Variants in TFAP2D observed in about 807,000 individuals in gnomAD.
TFAP2D encodes transcription factor AP-2 delta.
A neutral mutation model predicts 43.6 loss-of-function variants in TFAP2D; 9 were observed. The observed-to-expected ratio is 0.21, with a 90% confidence interval of 0.12 to 0.36. The LOEUF (loss-of-function observed/expected upper bound fraction) is 0.36. Ranked by LOEUF, TFAP2D falls within the 10% of genes least tolerant of loss-of-function variation. The pLI is 1.00. For missense variants in TFAP2D, 513 were observed against 561.4 expected (o/e 0.91, Z 0.87); for synonymous variants, 256 against 224.9 (o/e 1.14, Z -1.24).
At chr6:50,735,547 A>G (rs1318569137) in intron 5 of TFAP2D, among the ~76,000 whole-genome samples, 2 of 152,178 alleles carry the variant, frequency 1.3e-5, no homozygotes, top group African/African-American at 2.4e-5. Flanking sequence ...GGGACATTAA[A>G]TCTTGGTTTA....
intron 5 of TFAP2D, among the ~76,000 whole-genome samples, chr6:50,740,818 C>T (rs1769033424): frequency 6.6e-6 from 1 of 152,132 alleles, no homozygotes; most frequent in African/African-American, 2.4e-5. Flanking sequence ...TGCATTTAAA[C>T]CTGCTTCTTA....
chr6:50,714,113 T>C lies in TFAP2D; in HGVS notation c.39+19T>C. 6.3e-7 allele frequency: 1 copy of C among 1,588,070 alleles called. No individual in the cohort carries two copies. The highest frequency in any genetic ancestry group is 8.5e-7 in the Non-Finnish European group (1 of 1,173,418). The stretch of plus-strand genomic sequence containing the variant: ...TGCCGAGGTATTATTACTTTTTTTT[T>C]TTTTTTTTTTTGAGCGCGCGTGTGT... On this transcript the variant is annotated intron_variant, in intron 1 of 7. Transcript: ENST00000008391.
At chr6:50,741,777 A>T (rs1241719477) in intron 5 of TFAP2D, among the ~76,000 whole-genome samples, 2 of 151,962 alleles carry the variant, frequency 1.3e-5, no homozygotes, top group Non-Finnish European at 2.9e-5. Flanking sequence ...GAAAAAAAAA[A>T]AAAAGAACAA....
At chr6:50,762,896 AT>A (rs1286662129) in intron 7 of TFAP2D, among the ~76,000 whole-genome samples, 1 of 152,012 alleles carries the variant, frequency 6.6e-6, no homozygotes, top group East Asian at 1.9e-4. Flanking sequence ...ATGAATGAGA[AT>A]ATAGTCCAAG....
At chr6:50,726,482 A>G (rs1233293071) in intron 3 of TFAP2D, among the ~76,000 whole-genome samples, 1 of 152,198 alleles carries the variant, frequency 6.6e-6, no homozygotes, top group Non-Finnish European at 1.5e-5. Context: ...GCTAGTATGC[A>G]AGAGAGGAAA....
At chr6:50,759,166 G>A (rs558616470) in intron 7 of TFAP2D, among the ~76,000 whole-genome samples, 83 of 152,142 alleles carry the variant, frequency 5.5e-4, no homozygotes, top group Non-Finnish European at 9.4e-4. Flanking sequence ...TTGTGGAAGA[G>A]TTTGGTTAAT....
intron 3 of TFAP2D, 42 bp from the exon 4 acceptor site, chr6:50,728,814 T>C: frequency 1.2e-6 from 2 of 1,600,432 alleles, no homozygotes; most frequent in Non-Finnish European, 1.7e-6. Flanking sequence ...AGTTAGCTTC[T>C]TTCACTGTCA....
chr6:50,742,611 TA>T (rs1430493043), intron 5 of TFAP2D, among the ~76,000 whole-genome samples: 3 of 151,364 alleles, frequency 2.0e-5, no homozygotes, highest in Non-Finnish European at 4.4e-5. Flanking sequence ...GATAGATAGA[TA>T]GATAGATAGA....
rs368865235 is a variant in TFAP2D, at chr6:50,754,610, T to A, written c.1139+3286T>A. On this transcript the variant is annotated intron_variant, in intron 7 of 7. Coordinates refer to ENST00000008391, the MANE Select transcript of TFAP2D (RefSeq NM_172238.4). ...ATTTTCCATAGCAGCTATACCATTT[T>A]ACATTTTCACAATAATGTACGGGGT... Among the ~76,000 whole-genome samples the A allele has an allele frequency of 1.2e-4, 18 of 152,090 alleles. No individual in the cohort carries two copies. The South Asian group carries it at 3.7e-3, about 32-fold the overall frequency.
Position 50,714,022 on chromosome 6 carries a change from G to A in TFAP2D, c.-34G>A. ...TTTCCCGATTCTTTTTTTGGAGGGG[G>A]AAATTGCATCGTAAGCTTTCGGAGA... On this transcript the variant is annotated 5_prime_UTR_variant, in exon 1 of 8. Transcript: ENST00000008391. The A allele has an allele frequency of 6.2e-7, 1 of 1,611,846 alleles. No homozygotes were observed. The highest frequency in any genetic ancestry group is 8.5e-7 in the Non-Finnish European group (1 of 1,179,488).
chr6:50,727,567 G>C (rs1440273174), intron 3 of TFAP2D, among the ~76,000 whole-genome samples: 2 of 152,166 alleles, frequency 1.3e-5, no homozygotes, highest in Non-Finnish European at 2.9e-5. Context: ...AGGTGGGTCT[G>C]AGATTTTATG....
In TFAP2D at chr6:50,750,731, A is replaced by G. The variant is rs1253687248; in HGVS notation, c.1026-480A>G. Among the ~76,000 whole-genome samples the G allele has an allele frequency of 4.6e-5, 7 of 152,170 alleles. No individual in the cohort carries two copies. The East Asian group carries it at 1.4e-3, about 29-fold the overall frequency. On this transcript the variant is annotated intron_variant, in intron 6 of 7. Coordinates refer to ENST00000008391, the MANE Select transcript of TFAP2D (RefSeq NM_172238.4). Reference sequence around the variant, plus strand: ...GATTATCTGCTTCAAATATTAGCATATAAAGTTAGCTCATAAGAATATGAA... The same window carrying G: ...GATTATCTGCTTCAAATATTAGCATGTAAAGTTAGCTCATAAGAATATGAA...
chr6:50,744,363 C>T (rs1581770020), intron 5 of TFAP2D, among the ~76,000 whole-genome samples: 1 of 152,032 alleles, frequency 6.6e-6, no homozygotes, highest in Non-Finnish European at 1.5e-5. Context: ...TTGCAAAGAA[C>T]ATGATCTCAT....
chr6:50,720,480 G>T (rs1581758431), intron 3 of TFAP2D, among the ~76,000 whole-genome samples: 1 of 139,376 alleles, frequency 7.2e-6, no homozygotes, highest in South Asian at 2.3e-4. Context: ...ACCCTATGGA[G>T]ATTAAAACAC....
intron 7 of TFAP2D, among the ~76,000 whole-genome samples, chr6:50,762,959 A>G (rs1027355456): frequency 6.6e-6 from 1 of 152,042 alleles, no homozygotes; most frequent in Non-Finnish European, 1.5e-5. Flanking sequence ...TCAAATTTTG[A>G]CCTTTGCCTT....
At chr6:50,732,057 T>C (rs751918744) in intron 5 of TFAP2D, among the ~76,000 whole-genome samples, 2 of 152,124 alleles carry the variant, frequency 1.3e-5, no homozygotes, top group Non-Finnish European at 2.9e-5. Context: ...AATTCTTGGA[T>C]TGACCGTGTT....
At chr6:50,751,477 A>T (rs1390940924) in intron 7 of TFAP2D, among the ~76,000 whole-genome samples, 153 bp downstream of exon 7, 1 of 151,982 alleles carries the variant, frequency 6.6e-6, no homozygotes, top group African/African-American at 2.4e-5. Flanking sequence ...TAGACTGGGT[A>T]ATTTATAAAC....
intron 5 of TFAP2D, among the ~76,000 whole-genome samples, chr6:50,744,631 C>A (rs187907140): frequency 6.6e-6 from 1 of 152,040 alleles, no homozygotes; most frequent in Non-Finnish European, 1.5e-5. Context: ...CAAAGTTCTC[C>A]GACTTCCTCG....
At chr6:50,760,087 G>A (rs1769341950) in intron 7 of TFAP2D, among the ~76,000 whole-genome samples, 1 of 151,978 alleles carries the variant, frequency 6.6e-6, no homozygotes, top group Admixed American at 6.6e-5. Flanking sequence ...GCATACCAAA[G>A]ACTCCCAGAA....
Sources: gnomAD v4.1 joint callset for allele counts (sites outside exome capture counted in the v4.1 genomes callset) on GRCh38, gnomAD v4.1.1 for gene constraint, MANE v1.5 for transcripts, NCBI Gene and HGNC (gene_info 2026-07-23, HGNC 2026-07-21) for gene names.